The following NRG1 variants were observed in gnomAD, a reference collection of about 807,000 sequenced individuals.
NRG1 encodes pro-neuregulin-1, membrane-bound isoform.
Under a neutral mutation model 63.8 loss-of-function variants are expected in NRG1, and 18 were observed. The observed-to-expected ratio is 0.28, with a 90% confidence interval of 0.19 to 0.42. The LOEUF (loss-of-function observed/expected upper bound fraction) is 0.42. Among genes scored for constraint, NRG1 ranks in the 10% least tolerant of loss-of-function variants. NRG1 has a pLI of 1.00. For synonymous variants in NRG1, 302 were observed against 301.3 expected (o/e 1.00, Z -0.02); for missense variants, 762 against 814.7 (o/e 0.94, Z 0.79).
At chr8:31,801,981 C>A (rs1166475010) in intron 1 of NRG1, among the ~76,000 whole-genome samples, 7 of 152,174 alleles carry the variant, frequency 4.6e-5, no homozygotes, top group African/African-American at 1.4e-4. Flanking sequence ...TGGGCCTATC[C>A]ACATGGCTCA....
rs185604496 is a variant in NRG1, at chr8:32,642,756, G to T, written c.502+25871G>T. ...TGCCAGCCGTAAAATTTAGGAGCAA[G>T]AATAAACTTTTTCAGTGATAATATT... On this transcript the variant is annotated intron_variant, in intron 5 of 11. Transcript: ENST00000356819. Among the ~76,000 whole-genome samples, 8 of 152,260 alleles carry T rather than the reference G, an allele frequency of 5.3e-5. No individual in the cohort carries two copies. In the East Asian group the frequency reaches 1.4e-3, roughly 26 times the overall value.
At chr8:32,475,829 T>A (rs1824451030) in intron 1 of NRG1, among the ~76,000 whole-genome samples, 1 of 152,186 alleles carries the variant, frequency 6.6e-6, no homozygotes, top group Non-Finnish European at 1.5e-5. Flanking sequence ...ACAGGTTCTG[T>A]GATGTTAGGG....
chr8:31,893,137 A>G (rs1831282392), intron 1 of NRG1, among the ~76,000 whole-genome samples: 1 of 150,600 alleles, frequency 6.6e-6, no homozygotes, highest in African/African-American at 2.4e-5. Context: ...ATTGTTTAAT[A>G]TAACCTATTT....
intron 1 of NRG1, among the ~76,000 whole-genome samples, chr8:32,531,663 A>T (rs13264962): frequency 0.054 from 8,271 of 152,280 alleles, 300 homozygotes; most frequent in Middle Eastern, 0.085. Flanking sequence ...TATTTTTAGT[A>T]TTACTTAGGG....
chr8:31,738,999 G>A (rs536321451), intron 1 of NRG1, among the ~76,000 whole-genome samples: 160 of 152,104 alleles, frequency 1.1e-3, no homozygotes, highest in African/African-American at 3.6e-3. Flanking sequence ...TCCTTTGGGG[G>A]CCCAATTCAA....
chr8:32,034,302 A>G (rs998992195), intron 1 of NRG1, among the ~76,000 whole-genome samples: 7 of 152,214 alleles, frequency 4.6e-5, no homozygotes, highest in South Asian at 2.1e-4. Flanking sequence ...AATTAAGCCA[A>G]CTTTATCATG....
At chr8:32,093,007 T>C (rs1156558123) in intron 1 of NRG1, among the ~76,000 whole-genome samples, 5 of 152,172 alleles carry the variant, frequency 3.3e-5, no homozygotes, top group South Asian at 2.1e-4. Flanking sequence ...AGGACAGGAA[T>C]CTGTTTAACA....
rs187221465 is a variant in NRG1 at position 32,314,848 on chromosome 8, C to T, written c.38-280980C>T. 4.2e-4 allele frequency among the ~76,000 whole-genome samples: 64 copies of T among 152,282 alleles called. No individual in the cohort carries two copies. The East Asian group carries it at 0.012, about 28-fold the overall frequency. On this transcript the variant is annotated intron_variant, in intron 1 of 10. Coordinates refer to the NRG1 transcript ENST00000519301. ...ATCGCTCCCCATCTCTATGCCCCAG[C>T]GATGCCAGTTGTTCCATCAAACACT...
intron 1 of NRG1, among the ~76,000 whole-genome samples, chr8:32,565,001 T>C (rs1430054411): frequency 6.6e-6 from 1 of 152,056 alleles, no homozygotes; most frequent in African/African-American, 2.4e-5. Context: ...GCCCAGGAGT[T>C]TGAGGGTACA....
chr8:32,296,904 C>T (rs1159823342), intron 1 of NRG1, among the ~76,000 whole-genome samples: 1 of 152,056 alleles, frequency 6.6e-6, no homozygotes, highest in Non-Finnish European at 1.5e-5. Context: ...ATCACAAGGT[C>T]AAGAGATCGA....
chr8:31,843,433 TA>T (rs1276171273), intron 1 of NRG1, among the ~76,000 whole-genome samples: 1 of 152,230 alleles, frequency 6.6e-6, no homozygotes, highest in Non-Finnish European at 1.5e-5. Context: ...GAGAAAGTAG[TA>T]ATTTTTTCTG....
At chr8:32,373,926 A>C (rs1809275891) in intron 1 of NRG1, among the ~76,000 whole-genome samples, 1 of 152,240 alleles carries the variant, frequency 6.6e-6, no homozygotes, top group African/African-American at 2.4e-5. Context: ...TTATAACTGC[A>C]TGTGGACAAG....
intron 1 of NRG1, among the ~76,000 whole-genome samples, chr8:31,913,323 A>C (rs1294448903): frequency 1.3e-5 from 2 of 152,152 alleles, no homozygotes; most frequent in Non-Finnish European, 2.9e-5. Flanking sequence ...AAAGTAGGAA[A>C]AAGGGAAGGA....
At chr8:32,465,461 A>G (rs1822937634) in intron 1 of NRG1, among the ~76,000 whole-genome samples, 1 of 152,222 alleles carries the variant, frequency 6.6e-6, no homozygotes, top group African/African-American at 2.4e-5. Context: ...TTAAGAAAGT[A>G]GTTTTTGGAT....
intron 1 of NRG1, among the ~76,000 whole-genome samples, chr8:32,156,484 C>A (rs1838080580): frequency 6.6e-6 from 1 of 152,192 alleles, no homozygotes; most frequent in South Asian, 2.1e-4. Context: ...TTTTATGTCA[C>A]CATTGTAATT....
At chr8:32,080,210 C>T (rs112692058) in intron 1 of NRG1, among the ~76,000 whole-genome samples, 2,924 of 152,060 alleles carry the variant, frequency 0.019, 106 homozygotes, top group African/African-American at 0.067. Flanking sequence ...GAATTCTTAA[C>T]GTGATTATTT....
chr8:32,721,581 C>CT (rs1820649047), intron 5 of NRG1, among the ~76,000 whole-genome samples: 3 of 152,158 alleles, frequency 2.0e-5, no homozygotes, highest in Non-Finnish European at 2.9e-5. Context: ...ACATTACTTC[C>CT]AGTCACTGTA....
chr8:31,654,664 T>A (rs1805245651), intron 1 of NRG1, among the ~76,000 whole-genome samples: 1 of 152,206 alleles, frequency 6.6e-6, no homozygotes. Flanking sequence ...CTTGGCTAGA[T>A]GTGTGGCTTA....
chr8:31,709,200 A>G (rs1302126805), intron 1 of NRG1, among the ~76,000 whole-genome samples: 2 of 135,890 alleles, frequency 1.5e-5, no homozygotes, highest in Non-Finnish European at 3.3e-5. Flanking sequence ...TTTTTTAATC[A>G]AGTGATTTTT....
Sources: gnomAD v4.1 joint callset for allele counts (sites outside exome capture counted in the v4.1 genomes callset) on GRCh38, gnomAD v4.1.1 for gene constraint, MANE v1.5 for transcripts, NCBI Gene and HGNC (gene_info 2026-07-23, HGNC 2026-07-21) for gene names.